Variants in CSTPP1 observed in about 807,000 individuals in gnomAD.
The protein encoded by CSTPP1 is centriolar satellite-associated tubulin polyglutamylase complex regulator 1.
chr11:47,090,759 GC>G, the CSTPP1 span, among the ~76,000 whole-genome samples: 13 of 152,180 alleles, frequency 8.5e-5, no homozygotes, highest in Non-Finnish European at 1.5e-4. Context: ...GAAATTGAGG[GC>G]CGGGCACGGA....
the CSTPP1 span, among the ~76,000 whole-genome samples, chr11:47,045,294 A>G: frequency 6.6e-6 from 1 of 152,236 alleles, no homozygotes; most frequent in Non-Finnish European, 1.5e-5. Context: ...AAAGAACTAC[A>G]GGTTTATGTA....
chr11:46,962,970 C>T, the CSTPP1 span, among the ~76,000 whole-genome samples: 2 of 152,116 alleles, frequency 1.3e-5, no homozygotes, highest in Non-Finnish European at 2.9e-5. Context: ...GAAAAATGAT[C>T]TTGTATCTTT....
At chr11:47,155,298 A>C in the CSTPP1 span, 1 of 1,551,596 alleles carries the variant, frequency 6.4e-7, no homozygotes, top group Middle Eastern at 1.7e-4. Context: ...TCCGCACAGG[A>C]CCCTGTCTCC....
chr11:46,989,312 T>C, the CSTPP1 span, among the ~76,000 whole-genome samples: 1 of 152,202 alleles, frequency 6.6e-6, no homozygotes, highest in African/African-American at 2.4e-5. Context: ...TTTTTATTTT[T>C]CTGAGATAGA....
chr11:46,965,546 A>G, the CSTPP1 span, among the ~76,000 whole-genome samples: 1 of 152,178 alleles, frequency 6.6e-6, no homozygotes, highest in Admixed American at 6.5e-5. Context: ...TTTATTAAAA[A>G]TATTTTCTAA....
chr11:47,074,061 G>A, the CSTPP1 span, among the ~76,000 whole-genome samples: 30 of 152,182 alleles, frequency 2.0e-4, no homozygotes, highest in African/African-American at 5.8e-4. Context: ...CAAATTAGCC[G>A]AACGTGGTGG....
chr11:47,163,985 C>A, the CSTPP1 span: 5 of 1,315,044 alleles, frequency 3.8e-6, no homozygotes, highest in Non-Finnish European at 5.2e-6. Context: ...CATCCCCAGT[C>A]AAGCCTACTG....
the CSTPP1 span, among the ~76,000 whole-genome samples, chr11:47,081,903 C>G: frequency 1.3e-5 from 2 of 148,656 alleles, no homozygotes; most frequent in Non-Finnish European, 3.0e-5. Context: ...CTAGCCTGGG[C>G]AATGTAAAGA....
At chr11:47,115,107 G>A in the CSTPP1 span, among the ~76,000 whole-genome samples, 1 of 152,162 alleles carries the variant, frequency 6.6e-6, no homozygotes, top group African/African-American at 2.4e-5. Context: ...TTTGTCTTTG[G>A]TTCTGTTTAT....
At chr11:47,152,198 C>A in the CSTPP1 span, among the ~76,000 whole-genome samples, 1 of 151,078 alleles carries the variant, frequency 6.6e-6, no homozygotes, top group Admixed American at 6.6e-5. Flanking sequence ...TGCAGTGAGC[C>A]GATCTGCACC....
At chr11:47,063,930 A>G in the CSTPP1 span, among the ~76,000 whole-genome samples, 2 of 152,172 alleles carry the variant, frequency 1.3e-5, no homozygotes, top group African/African-American at 2.4e-5. Flanking sequence ...GTATCATTTT[A>G]CATTCTCACC....
chr11:47,049,362 C>T, the CSTPP1 span, among the ~76,000 whole-genome samples: 2 of 151,914 alleles, frequency 1.3e-5, no homozygotes, highest in Admixed American at 6.6e-5. Flanking sequence ...ATAGGCCAGG[C>T]GCGGTGGCTC....
chr11:47,106,714 A>G, the CSTPP1 span, among the ~76,000 whole-genome samples: 23 of 152,226 alleles, frequency 1.5e-4, 1 homozygote, highest in South Asian at 4.8e-3. Context: ...GGTAATTTTT[A>G]CCTAGGCAAA....
At chr11:47,085,597 A>G in the CSTPP1 span, among the ~76,000 whole-genome samples, 1 of 152,162 alleles carries the variant, frequency 6.6e-6, no homozygotes, top group East Asian at 1.9e-4. Context: ...ATTTCAAGAT[A>G]CTGAGGACTA....
chr11:47,020,217 C>G, the CSTPP1 span, among the ~76,000 whole-genome samples: 1 of 152,158 alleles, frequency 6.6e-6, no homozygotes, highest in African/African-American at 2.4e-5. Context: ...CTGTCCCTAT[C>G]CACATGATGG....
chr11:47,085,754 G>A, the CSTPP1 span, among the ~76,000 whole-genome samples: 1 of 151,690 alleles, frequency 6.6e-6, no homozygotes, highest in Admixed American at 6.6e-5. Flanking sequence ...GCTGGGTGTG[G>A]TGGCAGGCAC....
At chr11:47,145,418 C>T in the CSTPP1 span, among the ~76,000 whole-genome samples, 12 of 151,988 alleles carry the variant, frequency 7.9e-5, no homozygotes, top group East Asian at 2.0e-3. Context: ...GGTGAAACCC[C>T]GTCTCTACTA....
the CSTPP1 span, among the ~76,000 whole-genome samples, chr11:47,012,241 A>C: frequency 6.6e-6 from 1 of 152,202 alleles, no homozygotes; most frequent in Admixed American, 6.5e-5. Flanking sequence ...TGGGCAACAG[A>C]GTGAGACTGT....
the CSTPP1 span, among the ~76,000 whole-genome samples, chr11:47,075,410 G>A: frequency 6.6e-6 from 1 of 151,978 alleles, no homozygotes; most frequent in Non-Finnish European, 1.5e-5. Context: ...GTATAATAAA[G>A]AGGGAGAAAA....
Sources: gnomAD v4.1 joint callset for allele counts (sites outside exome capture counted in the v4.1 genomes callset) on GRCh38, gnomAD v4.1.1 for gene constraint, MANE v1.5 for transcripts, NCBI Gene and HGNC (gene_info 2026-07-23, HGNC 2026-07-21) for gene names.